The following PRRC2C variants were observed in gnomAD, a reference collection of about 807,000 sequenced individuals.
PRRC2C encodes protein PRRC2C.
In PRRC2C, 72 loss-of-function variants were observed where a neutral mutation model predicts 317.2. The observed-to-expected ratio is 0.23, with a 90% CI of 0.19 to 0.28. The LOEUF (loss-of-function observed/expected upper bound fraction) is 0.28. Ranked by LOEUF, PRRC2C falls within the 10% of genes least tolerant of loss-of-function variation. The pLI is 1.00. For missense variants in PRRC2C, 3,074 were observed against 3,459.7 expected (o/e 0.89, Z 2.80); for synonymous variants, 1,296 against 1,205.9 (o/e 1.07, Z -1.55).
At chr1:171,527,436 A>G (rs1674844507) in intron 10 of PRRC2C, among the ~76,000 whole-genome samples, 1 of 151,934 alleles carries the variant, frequency 6.6e-6, no homozygotes, top group South Asian at 2.1e-4. Context: ...CCCAGCAGAT[A>G]TATTTTTTCT....
At chr1:171,578,693 C>G in intron 26 of PRRC2C, among the ~76,000 whole-genome samples, 1 of 152,136 alleles carries the variant, frequency 6.6e-6, no homozygotes, top group East Asian at 1.9e-4. Context: ...CATGGTGAAA[C>G]CACGTCTCTA....
At chr1:171,504,850 GC>G (rs1669880955) in intron 1 of PRRC2C, among the ~76,000 whole-genome samples, 1 of 152,092 alleles carries the variant, frequency 6.6e-6, no homozygotes, top group Non-Finnish European at 1.5e-5. Flanking sequence ...GTTGGGGATT[GC>G]TTTGAATCTG....
rs888344435 is a variant in PRRC2C at position 171,537,283 on chromosome 1, T to C, written c.2314T>C (p.Leu772=). 6.3e-7 allele frequency: 1 copy of C among 1,596,198 alleles called. No homozygotes were observed. The highest frequency in any genetic ancestry group is 8.5e-7 in the Non-Finnish European group (1 of 1,170,370). The change falls in exon 15 of 35, where the codon TTA becomes CTA. Residue 772 remains leucine, a synonymous_variant. Coordinates refer to ENST00000647382, the MANE Select transcript of PRRC2C (RefSeq NM_001387844.1). ...TACAGGAATGATTCCTCCTAAACCATTAATGAGAAGAGACCAGATGGAAGG... is the reference window on the plus strand; with the variant it reads ...TACAGGAATGATTCCTCCTAAACCACTAATGAGAAGAGACCAGATGGAAGG... ...IHPGMIPPKP[L]MRRDQMEGSP...
Position 171,566,270 on chromosome 1 carries a change from G to A in PRRC2C, c.6155G>A (p.Gly2052Glu), listed in dbSNP as rs1255533232. Reference protein sequence around the residue: ...KNGQESGLEIGTDTIQFGAPA... With the variant: ...KNGQESGLEIETDTIQFGAPA... The stretch of plus-strand genomic sequence containing the variant: ...GGTCAAGAAAGTGGACTCGAAATTG[G>A]AACTGACACAATTCAGTTTGGTGCT... The change falls in exon 21 of 35, where the codon GGA becomes GAA. Residue 2052 changes from glycine (G) to glutamate (E), a missense_variant. By Grantham distance (98) the Gly-to-Glu change is moderately conservative. This residue lies in a region of PRRC2C where 640 missense variants were observed against 676.1 expected (regional missense o/e 0.95). Coordinates refer to ENST00000647382, the MANE Select transcript of PRRC2C (RefSeq NM_001387844.1). 1.9e-6 allele frequency: 3 copies of A among 1,611,564 alleles called. No homozygotes were observed. The highest frequency in any genetic ancestry group is 2.2e-5 in the South Asian group (2 of 90,288).
intron 15 of PRRC2C, among the ~76,000 whole-genome samples, chr1:171,539,243 C>T (rs1031804879): frequency 1.2e-4 from 19 of 152,218 alleles, no homozygotes; most frequent in Admixed American, 6.5e-4. Flanking sequence ...TCAGGTGATC[C>T]GCCCTCCTCG....
chr1:171,535,157 T>TAA (rs200013905), intron 12 of PRRC2C, among the ~76,000 whole-genome samples: 1 of 150,732 alleles, frequency 6.6e-6, no homozygotes, highest in Non-Finnish European at 1.5e-5. Context: ...GTTTCATTAT[T>TAA]TAAAAAAAAA....
chr1:171,523,159 A>C, intron 7 of PRRC2C, 62 bp from the exon 8 acceptor site: 2 of 1,424,108 alleles, frequency 1.4e-6, no homozygotes, highest in Non-Finnish European at 9.4e-7. Flanking sequence ...CCAATCTTTT[A>C]GTATTCTCCC....
chr1:171,550,003 TTTA>T lies in PRRC2C; in HGVS notation c.4973-82_4973-80del. The T allele has an allele frequency of 1.6e-5, 19 of 1,152,606 alleles. No individual in the cohort carries two copies. The African/African-American group carries it at 2.0e-4, about 12-fold the overall frequency. 71.4% of individuals were successfully genotyped at this position (1,152,606 alleles called of 1,614,324 possible). On this transcript the variant is annotated intron_variant, in intron 17 of 34. Coordinates refer to ENST00000647382, the MANE Select transcript of PRRC2C (RefSeq NM_001387844.1). ...GCCTTTGGCTAGTTTTTTTTTTTTT[TTTA>T]AGTACTACTGTACTAAACATTTTTA...
chr1:171,591,820 G>A lies in PRRC2C; in HGVS notation c.8670G>A (p.Ala2890=), dbSNP rs370475109. The change falls in exon 35 of 35, where the codon GCG becomes GCA. Residue 2890 remains alanine (A), a synonymous_variant. Transcript: ENST00000647382. ...GAACTGGACCAATCAAACCTCAGGC[G>A]ATCAAAACCGAAGAAACAAAATCTT... ...PVRTGPIKPQ[A]IKTEETKS is the part of the protein sequence containing the mutation. 48 of 1,448,222 alleles carry A rather than the reference G, an allele frequency of 3.3e-5. No individual in the cohort carries two copies. Among genetic ancestry groups the A allele is most frequent in the Non-Finnish European group, 4.1e-5 (44 of 1,077,088 alleles). 89.7% of individuals were successfully genotyped at this position (1,448,222 alleles called of 1,614,324 possible). A position where few individuals can be genotyped will look rare whatever the true frequency, so the allele number is the denominator to read the frequency against.
intron 16 of PRRC2C, among the ~76,000 whole-genome samples, chr1:171,545,022 T>C (rs913457460): frequency 1.3e-5 from 2 of 152,230 alleles, no homozygotes; most frequent in African/African-American, 4.8e-5. Context: ...ATTATATCAA[T>C]GTGTAAATCT....
chr1:171,569,093 A>G (rs1386762495), intron 23 of PRRC2C, among the ~76,000 whole-genome samples: 1 of 152,128 alleles, frequency 6.6e-6, no homozygotes, highest in African/African-American at 2.4e-5. Flanking sequence ...TTAGAAGAAC[A>G]TTTTAAAAGT....
chr1:171,498,619 T>G (rs1306663201), intron 1 of PRRC2C, among the ~76,000 whole-genome samples: 8 of 152,216 alleles, frequency 5.3e-5, no homozygotes, highest in Non-Finnish European at 1.0e-4. Flanking sequence ...GGCAGTATCT[T>G]CATCCACCTT....
chr1:171,499,893 A>G (rs1571594638), intron 1 of PRRC2C, among the ~76,000 whole-genome samples: 1 of 152,316 alleles, frequency 6.6e-6, no homozygotes, highest in African/African-American at 2.4e-5. Context: ...ACCAAAGAAA[A>G]TGGTTTACAC....
chr1:171,563,044 G>A (rs1214816900), intron 20 of PRRC2C, among the ~76,000 whole-genome samples: 1 of 152,158 alleles, frequency 6.6e-6, no homozygotes, highest in African/African-American at 2.4e-5. Flanking sequence ...AGTAATATAG[G>A]TGTTCAATTG....
chr1:171,519,858 C>T (rs781543458), intron 6 of PRRC2C, among the ~76,000 whole-genome samples: 2 of 152,090 alleles, frequency 1.3e-5, no homozygotes, highest in Non-Finnish European at 2.9e-5. Flanking sequence ...TATTTTTATG[C>T]GGGGGCTGTG....
intron 1 of PRRC2C, among the ~76,000 whole-genome samples, chr1:171,491,735 A>G (rs1280610907): frequency 6.6e-6 from 1 of 152,180 alleles, no homozygotes; most frequent in Admixed American, 6.6e-5. Flanking sequence ...AAATATTTTT[A>G]TTAATCAAGA....
intron 1 of PRRC2C, among the ~76,000 whole-genome samples, chr1:171,499,298 T>G (rs1018738841): frequency 6.6e-6 from 1 of 152,236 alleles, no homozygotes; most frequent in Non-Finnish European, 1.5e-5. Flanking sequence ...GGTAAATATT[T>G]GTACGAGTGA....
At chr1:171,575,163 T>TA (rs1553244381) in intron 25 of PRRC2C, 35 bp downstream of exon 25, 12 of 1,528,048 alleles carry the variant, frequency 7.9e-6, no homozygotes, top group African/African-American at 1.4e-5. Flanking sequence ...TTAAATATCT[T>TA]ACATTATTTA....
In PRRC2C at chr1:171,591,718, C is replaced by T. The variant is rs190638001; in HGVS notation, c.8568C>T (p.Thr2856=). 42 of 1,613,758 alleles carry T rather than the reference C, an allele frequency of 2.6e-5. No individual in the cohort carries two copies. The highest frequency in any genetic ancestry group is 2.5e-4 in the Admixed American group (15 of 59,986). ...CAAGTAAACCTCCTGAAACACTGAC[C>T]GACCCTCCTGGGGTCTGTCAGGAAA... ...SDSSKPPETL[T]DPPGVCQEKV... is the part of the protein sequence containing the mutation. The change falls in exon 35 of 35, where the codon ACC becomes ACT. Residue 2856 remains threonine (T), a synonymous_variant. Transcript: ENST00000647382.
Sources: gnomAD v4.1 joint callset for allele counts (sites outside exome capture counted in the v4.1 genomes callset) on GRCh38, gnomAD v4.1.1 for gene constraint, gnomAD v4.1.1 regional missense constraint, MANE v1.5 for transcripts, NCBI Gene and HGNC (gene_info 2026-07-23, HGNC 2026-07-21) for gene names.